The following DNAH11 variants were observed in gnomAD, a reference collection of about 807,000 sequenced individuals.
The protein encoded by DNAH11 is axonemal beta dynein heavy chain 11.
In DNAH11, 442 loss-of-function variants were observed where a neutral mutation model predicts 526.0. The ratio of observed to expected loss-of-function variants is 0.84; its 90% CI spans 0.78 to 0.91. The LOEUF (loss-of-function observed/expected upper bound fraction) is 0.91, where lower values mean the gene tolerates loss of function less well. Ranked by LOEUF, DNAH11 falls within the 40% of genes least tolerant of loss-of-function variation. DNAH11 has a pLI of 0.00. For missense variants in DNAH11, 6,989 were observed against 5,448.7 expected, an observed-to-expected ratio of 1.28 and a Z score of -8.90; for synonymous variants, 2,461 against 1,935.9, an observed-to-expected ratio of 1.27 and a Z score of -7.12.
intron 28 of DNAH11, among the ~76,000 whole-genome samples, chr7:21,646,581 C>T (rs1268261547): frequency 6.6e-6 from 1 of 152,086 alleles, no homozygotes; most frequent in South Asian, 2.1e-4. Flanking sequence ...AGGCAGAGTG[C>T]TGAATAGTGC....
intron 42 of DNAH11, among the ~76,000 whole-genome samples, chr7:21,714,000 G>C (rs1026572597): frequency 5.3e-5 from 8 of 152,174 alleles, no homozygotes; most frequent in Admixed American, 4.6e-4. Context: ...GCACCACAGT[G>C]CGTGGCAGCA....
At chr7:21,578,663 C>T (rs909725779) in intron 8 of DNAH11, among the ~76,000 whole-genome samples, 1 of 152,220 alleles carries the variant, frequency 6.6e-6, no homozygotes, top group East Asian at 1.9e-4. Context: ...AGAGGTTCTC[C>T]ATGAGAGCTG....
intron 61 of DNAH11, among the ~76,000 whole-genome samples, chr7:21,789,808 T>TCTTTCTTTCTTTCTTTTTTCTTTC: frequency 1.1e-3 from 38 of 34,102 alleles, no homozygotes; most frequent in Non-Finnish European, 1.9e-3. Flanking sequence ...TTTCTTTCTT[T>TCTTTCTTTCTTTCTTTTTTCTTTC]TTTCTTTCTT....
Position 21,868,988 on chromosome 7 carries a change from C to G in DNAH11, c.11964C>G (p.Leu3988=). The G allele has an allele frequency of 3.1e-6, 5 of 1,613,910 alleles. No individual in the cohort carries two copies. The highest frequency in any genetic ancestry group is 3.4e-6 in the Non-Finnish European group (4 of 1,179,840). ...KASKGGHWVI[L]QNVHLVAKWL... ...CCAAAGGAGGACACTGGGTCATCCTCCAAGTGAGTATTAAGTTTCAGGGAA... is the reference window on the plus strand; with the variant it reads ...CCAAAGGAGGACACTGGGTCATCCTGCAAGTGAGTATTAAGTTTCAGGGAA... The change falls in exon 73 of 82, where the codon CTC becomes CTG. Residue 3988 remains leucine, a synonymous_variant. Transcript: ENST00000409508.
rs146025231 is a variant in DNAH11, at chr7:21,734,768, G to A, written c.7441-872G>A. On this transcript the variant is annotated intron_variant, in intron 45 of 81. Coordinates refer to ENST00000409508, the MANE Select transcript of DNAH11 (RefSeq NM_001277115.2). Reference sequence around the variant, plus strand: ...AGCTACTTGGGAGGCTGAGGTGGGAGAATAACCTGAGCTCAGGAAGTCAAG... The same window carrying A: ...AGCTACTTGGGAGGCTGAGGTGGGAAAATAACCTGAGCTCAGGAAGTCAAG... Among the ~76,000 whole-genome samples the A allele has an allele frequency of 1.4e-3, 213 of 152,244 alleles. 1 individual carries two copies. Among genetic ancestry groups the A allele is most frequent in the Non-Finnish European group, 2.4e-3 (165 of 68,028 alleles).
rs368480739 is a variant in DNAH11 at position 21,741,908 on chromosome 7, T to A, written c.7915-19T>A. 1.3e-5 allele frequency: 21 copies of A among 1,612,726 alleles called. No individual in the cohort carries two copies. The African/African-American group carries it at 2.7e-4, about 20-fold the overall frequency. The stretch of plus-strand genomic sequence containing the variant: ...TACAATTGTAATCCTTACACTCTTA[T>A]ATTTGCTTTTCTTTTCAGAGACATT... On this transcript the variant is annotated intron_variant, in intron 48 of 81. Coordinates refer to ENST00000409508, the MANE Select transcript of DNAH11 (RefSeq NM_001277115.2).
At chr7:21,602,154 A>G (rs1272245519) in intron 18 of DNAH11, among the ~76,000 whole-genome samples, 1 of 152,032 alleles carries the variant, frequency 6.6e-6, no homozygotes, top group African/African-American at 2.4e-5. Context: ...AGCCTGGCCA[A>G]CATGCTGAAA....
chr7:21,744,386 ACATGT>A, intron 49 of DNAH11, 47 bp from the exon 50 acceptor site: 1 of 1,576,470 alleles, frequency 6.3e-7, no homozygotes, highest in South Asian at 1.2e-5. Flanking sequence ...AACTCATTTG[ACATGT>A]CATCAGCCTC....
At chr7:21,750,732 T>G (rs1786376917) in intron 54 of DNAH11, among the ~76,000 whole-genome samples, 1 of 152,178 alleles carries the variant, frequency 6.6e-6, no homozygotes, top group Non-Finnish European at 1.5e-5. Context: ...CTGGTCATCC[T>G]GGAGGAAATG....
At chr7:21,775,198 A>G (rs193259636) in intron 56 of DNAH11, among the ~76,000 whole-genome samples, 2 of 152,328 alleles carry the variant, frequency 1.3e-5, no homozygotes, top group African/African-American at 4.8e-5. Flanking sequence ...GACCACAATT[A>G]GGAAAGAGAA....
At chr7:21,702,307 G>A (rs1583608229) in intron 36 of DNAH11, among the ~76,000 whole-genome samples, 1 of 152,128 alleles carries the variant, frequency 6.6e-6, no homozygotes, top group African/African-American at 2.4e-5. Flanking sequence ...CCAAGTCTGG[G>A]GAGAAGTAGA....
intron 20 of DNAH11, among the ~76,000 whole-genome samples, chr7:21,608,007 A>G (rs1785369721): frequency 6.6e-6 from 1 of 150,384 alleles, no homozygotes; most frequent in South Asian, 2.1e-4. Flanking sequence ...TTAGTAAGTG[A>G]CAGAACTAGG....
chr7:21,710,652 T>C lies in DNAH11; in HGVS notation c.6783T>C (p.Asp2261=). 6.2e-7 allele frequency: 1 copy of C among 1,613,388 alleles called. No homozygotes were observed. The highest frequency in any genetic ancestry group is 8.5e-7 in the Non-Finnish European group (1 of 1,179,640). The change falls in exon 41 of 82, where the codon GAT becomes GAC. Residue 2261 remains aspartate (D), a synonymous_variant. Coordinates refer to ENST00000409508, the MANE Select transcript of DNAH11 (RefSeq NM_001277115.2). ...CAAAATGGATAGTCCTGGATGGCGA[T>C]ATTGACCCCATGTGGATTGAATCAC... ...DGPKWIVLDG[D]IDPMWIESLN...
intron 57 of DNAH11, among the ~76,000 whole-genome samples, chr7:21,780,655 T>C (rs2127983414): frequency 6.6e-6 from 1 of 152,330 alleles, no homozygotes; most frequent in African/African-American, 2.4e-5. Context: ...TTTAGCAAAT[T>C]AGAACTCATC....
intron 47 of DNAH11, among the ~76,000 whole-genome samples, 197 bp from the exon 48 acceptor site, chr7:21,739,374 A>G (rs944951112): frequency 6.6e-6 from 1 of 152,214 alleles, no homozygotes; most frequent in Admixed American, 6.5e-5. Context: ...GATTTTTGTC[A>G]TCAAATGAGC....
At chr7:21,783,704 T>C (rs965524035) in intron 57 of DNAH11, among the ~76,000 whole-genome samples, 1 of 149,980 alleles carries the variant, frequency 6.7e-6, no homozygotes, top group African/African-American at 2.4e-5. Context: ...CTTTCCTCTA[T>C]ATTATATATC....
At position 21,818,329 on chromosome 7, in the gene DNAH11, A is replaced by T; in HGVS notation, c.10681A>T (p.Lys3561Ter). ...LDPLLGRNTI[K>*]KGKYIRIGDK... ...TCCACTACTTGGCAGGAACACAATT[A>T]AAAAAGGAAAGTAAGTATTCTTGAA... The change falls in exon 65 of 82, where the codon AAA becomes TAA. Residue 3561 changes from lysine (K) to a stop codon, truncating the protein, a stop_gained. Coordinates refer to ENST00000409508, the MANE Select transcript of DNAH11 (RefSeq NM_001277115.2). LOFTEE classifies it high-confidence loss of function. The T allele has an allele frequency of 1.2e-6, 2 of 1,604,604 alleles. No homozygotes were observed. The highest frequency in any genetic ancestry group is 1.7e-6 in the Non-Finnish European group (2 of 1,177,020).
chr7:21,612,296 C>T (rs1201913968), intron 20 of DNAH11, among the ~76,000 whole-genome samples: 2 of 152,032 alleles, frequency 1.3e-5, no homozygotes, highest in South Asian at 2.1e-4. Context: ...TGGCTCACGC[C>T]TGTAATCCCA....
intron 20 of DNAH11, among the ~76,000 whole-genome samples, chr7:21,607,029 G>A (rs1047205603): frequency 3.3e-5 from 5 of 152,096 alleles, no homozygotes; most frequent in Admixed American, 6.6e-5. Context: ...ATCACAAGGC[G>A]AAGTCCCACA....
Sources: allele counts gnomAD v4.1 joint callset (sites outside exome capture counted in the v4.1 genomes callset), GRCh38; gene constraint gnomAD v4.1.1; transcripts MANE v1.5; gene names NCBI Gene and HGNC (gene_info 2026-07-23, HGNC 2026-07-21).